TPPP: variants seen among roughly 807,000 people sequenced by gnomAD.
TPPP encodes tubulin polymerization promoting protein, also known as tubulin polymerization-promoting protein.
A neutral mutation model predicts 15.5 loss-of-function variants in TPPP; 6 were observed. The ratio of observed to expected loss-of-function variants is 0.39; its 90% CI spans 0.21 to 0.77. The LOEUF (loss-of-function observed/expected upper bound fraction) is 0.77. TPPP is among the 30% of genes least tolerant of loss of function. TPPP has a pLI of 0.42. For missense variants in TPPP, 269 were observed against 307.2 expected, an observed-to-expected ratio of 0.88 and a Z score of 0.93; for synonymous variants, 146 against 133.9, an observed-to-expected ratio of 1.09 and a Z score of -0.63.
intron 1 of TPPP, among the ~76,000 whole-genome samples, chr5:686,795 C>T (rs1202961896): frequency 1.4e-4 from 20 of 144,836 alleles, no homozygotes; most frequent in African/African-American, 5.0e-4. Flanking sequence ...GGAACCTAAT[C>T]CCCATTGTGG....
rs1324538353 is a variant in TPPP, at chr5:663,313, A to G, written c.*1789T>C. Reference sequence around the variant, plus strand: ...GTCCAGCCAGGTTCAGCGGGGGCACAGGGCTGGGCTTGGGCACCCCCCGCC... The same window carrying G: ...GTCCAGCCAGGTTCAGCGGGGGCACGGGGCTGGGCTTGGGCACCCCCCGCC... On this transcript the variant is annotated 3_prime_UTR_variant, in exon 4 of 4. Transcript: ENST00000360578. 6.6e-6 allele frequency: 1 copy of G among 152,448 alleles called. No individual in the cohort carries two copies. Among genetic ancestry groups the G allele is most frequent in the Non-Finnish European group, 1.5e-5 (1 of 68,084 alleles). The allele number at this position is 152,448 out of a possible 1,614,324, so 9.4% of individuals were successfully genotyped here. A position where few individuals can be genotyped will look rare whatever the true frequency, so the allele number is the denominator to read the frequency against.
intron 1 of TPPP, among the ~76,000 whole-genome samples, chr5:684,523 A>G (rs1740715375): frequency 1.3e-5 from 2 of 152,066 alleles, no homozygotes; most frequent in Admixed American, 1.3e-4. Flanking sequence ...CCACTCTCAC[A>G]GCGGAAGGAG....
chr5:685,054 A>C (rs1374768832), intron 1 of TPPP, among the ~76,000 whole-genome samples: 1 of 152,116 alleles, frequency 6.6e-6, no homozygotes, highest in African/African-American at 2.4e-5. Flanking sequence ...CACGGTCCTG[A>C]GAGGTCACCA....
chr5:664,244 G>A lies in TPPP; in HGVS notation c.*858C>T, dbSNP rs1280072906. The A allele has an allele frequency of 1.3e-5, 2 of 152,508 alleles. No individual in the cohort carries two copies. Among genetic ancestry groups the A allele is most frequent in the African/African-American group, 4.8e-5 (2 of 41,464 alleles). The allele number at this position is 152,508 out of a possible 1,614,324, so 9.4% of individuals were successfully genotyped here. Reference sequence around the variant, plus strand: ...CCGGGCAGAGGCTCTGTCACGCGGTGAGGCGAGGAGTGTCTCGGCACTTCG... The same window carrying A: ...CCGGGCAGAGGCTCTGTCACGCGGTAAGGCGAGGAGTGTCTCGGCACTTCG... On this transcript the variant is annotated 3_prime_UTR_variant, in exon 4 of 4. Transcript: ENST00000360578.
chr5:670,484 A>C (rs1174914554), intron 2 of TPPP, among the ~76,000 whole-genome samples: 1 of 151,944 alleles, frequency 6.6e-6, no homozygotes, highest in Non-Finnish European at 1.5e-5. Context: ...CCCCCAGGGC[A>C]CCAACCTCTG....
intron 2 of TPPP, among the ~76,000 whole-genome samples, chr5:668,848 G>A (rs1303595034): frequency 1.3e-5 from 2 of 152,306 alleles, no homozygotes; most frequent in African/African-American, 2.4e-5. Flanking sequence ...CCCACCCCTC[G>A]AGAACAAGCC....
At chr5:695,786 C>T (rs1422777932), upstream of TPPP, among the ~76,000 whole-genome samples, 4 of 149,740 alleles carry the variant, frequency 2.7e-5, no homozygotes, top group Non-Finnish European at 4.5e-5. Flanking sequence ...GATCTTTAAT[C>T]GAATTACATC....
intron 2 of TPPP, among the ~76,000 whole-genome samples, chr5:672,541 C>T (rs953147479): frequency 9.2e-5 from 14 of 152,372 alleles, no homozygotes; most frequent in Non-Finnish European, 1.8e-4. Context: ...CTAGATGGAC[C>T]CATAGGGGGC....
intron 2 of TPPP, among the ~76,000 whole-genome samples, chr5:668,448 G>A (rs61419136): frequency 1.0e-4 from 11 of 105,246 alleles, no homozygotes; most frequent in Middle Eastern, 5.1e-3. Flanking sequence ...AGGGAAGTGC[G>A]GACAAGCACA....
intron 1 of TPPP, among the ~76,000 whole-genome samples, chr5:686,408 A>G (rs1740768708): frequency 6.6e-6 from 1 of 152,136 alleles, no homozygotes; most frequent in South Asian, 2.1e-4. Context: ...AGCAGGTTAC[A>G]GAACACTGCA....
intron 2 of TPPP, among the ~76,000 whole-genome samples, chr5:669,477 T>C (rs1170181541): frequency 6.6e-6 from 1 of 152,102 alleles, no homozygotes; most frequent in East Asian, 1.9e-4. Flanking sequence ...GTTGACTCTC[T>C]GGGGCCCTTG....
chr5:668,411 CAG>C (rs1394368913), intron 2 of TPPP, among the ~76,000 whole-genome samples: 12 of 103,706 alleles, frequency 1.2e-4, no homozygotes, highest in Non-Finnish European at 1.7e-4. Context: ...GACAAGCACA[CAG>C]AGAGGGGGCC....
the TPPP span, among the ~76,000 whole-genome samples, chr5:698,833 C>G: frequency 6.6e-6 from 1 of 151,966 alleles, no homozygotes; most frequent in Non-Finnish European, 1.5e-5. Flanking sequence ...TTTAAGGACA[C>G]AAAATTAATG....
At chr5:668,954 CTG>C (rs907991081) in intron 2 of TPPP, among the ~76,000 whole-genome samples, 1 of 152,208 alleles carries the variant, frequency 6.6e-6, no homozygotes, top group Non-Finnish European at 1.5e-5. Context: ...AAGGCGGATG[CTG>C]TGTTTAAACA....
chr5:677,779 A>G lies in TPPP; in HGVS notation c.282T>C (p.Thr94=), dbSNP rs1012169117. Residue 94 remains threonine (T), a synonymous_variant, in exon 2 of 4, where the codon ACT becomes ACC. Transcript: ENST00000360578. ...TCTTGCTGAAGACGATGTCCACGTCAGTGACGGTCACGTTCCTGCCGTCGA... is the reference window on the plus strand; with the variant it reads ...TCTTGCTGAAGACGATGTCCACGTCGGTGACGGTCACGTTCCTGCCGTCGA... ...QVIDGRNVTV[T]DVDIVFSKIK... 5 of 1,588,978 alleles carry G rather than the reference A, an allele frequency of 3.1e-6. No homozygotes were observed. Among genetic ancestry groups the G allele is most frequent in the African/African-American group, 2.7e-5 (2 of 74,494 alleles).
At chr5:676,905 G>A (rs888917324) in intron 2 of TPPP, among the ~76,000 whole-genome samples, 3 of 135,224 alleles carry the variant, frequency 2.2e-5, no homozygotes, top group South Asian at 2.2e-4. Context: ...ACGCGCACGC[G>A]CGCATACACG....
intron 2 of TPPP, among the ~76,000 whole-genome samples, chr5:672,957 C>T (rs1050339176): frequency 2.0e-5 from 3 of 152,346 alleles, no homozygotes; most frequent in East Asian, 3.9e-4. Flanking sequence ...GCAGATACCC[C>T]GAGCTGGCGC....
upstream of TPPP, among the ~76,000 whole-genome samples, chr5:694,554 G>A (rs1740984922): frequency 9.6e-6 from 1 of 104,448 alleles, no homozygotes; most frequent in African/African-American, 2.9e-5. Flanking sequence ...CCCACCCCAC[G>A]GTGGTCCCGC....
chr5:666,942 A>G (rs534818559), intron 2 of TPPP: 84 of 152,312 alleles, frequency 5.5e-4, no homozygotes, highest in African/African-American at 2.0e-3. Context: ...AGCTCTGCAA[A>G]AGGCACCTGC....
Sources: allele counts gnomAD v4.1 joint callset (sites outside exome capture counted in the v4.1 genomes callset), GRCh38; gene constraint gnomAD v4.1.1; transcripts MANE v1.5; gene names NCBI Gene and HGNC (gene_info 2026-07-23, HGNC 2026-07-21).